GALNT7: variants seen among roughly 807,000 people sequenced by gnomAD.
The protein encoded by GALNT7 is N-acetylgalactosaminyltransferase 7.
A neutral mutation model predicts 82.1 loss-of-function variants in GALNT7; 60 were observed. The observed-to-expected ratio is 0.73, with a 90% CI of 0.59 to 0.91. The LOEUF (loss-of-function observed/expected upper bound fraction) is 0.91. GALNT7 is among the 40% of genes least tolerant of loss of function. The pLI is 0.00. For synonymous variants in GALNT7, 243 were observed against 275.1 expected (o/e 0.88, Z 1.15); for missense variants, 660 against 804.2 (o/e 0.82, Z 2.17).
intron 6 of GALNT7, among the ~76,000 whole-genome samples, chr4:173,299,550 A>G (rs1251216696): frequency 6.6e-6 from 1 of 152,190 alleles, no homozygotes; most frequent in Non-Finnish European, 1.5e-5. Flanking sequence ...ATATTTGAAG[A>G]AAAATAAACC....
intron 11 of GALNT7, 23 bp from the exon 12 acceptor site, chr4:173,321,556 CT>C: frequency 1.3e-6 from 2 of 1,597,392 alleles, no homozygotes; most frequent in South Asian, 1.1e-5. Context: ...AAATTTGAAA[CT>C]TTTTTCTTAC....
chr4:173,207,589 G>C (rs1353938957), intron 1 of GALNT7, among the ~76,000 whole-genome samples: 1 of 152,162 alleles, frequency 6.6e-6, no homozygotes, highest in Non-Finnish European at 1.5e-5. Context: ...AAACAGTTCT[G>C]TGGTAAGAGT....
chr4:173,314,591 A>C (rs2126869786), intron 9 of GALNT7, among the ~76,000 whole-genome samples: 1 of 152,320 alleles, frequency 6.6e-6, no homozygotes, highest in Non-Finnish European at 1.5e-5. Flanking sequence ...CAACACCCAA[A>C]ATCACCTATC....
intron 1 of GALNT7, among the ~76,000 whole-genome samples, chr4:173,178,049 GTGTGCGCGCA>G (rs1339699668): frequency 0.014 from 1,458 of 105,438 alleles, 20 homozygotes; most frequent in Admixed American, 0.045. Flanking sequence ...GTGTGTGTGT[GTGTGCGCGCA>G]CGCGCGTGCG....
chr4:173,227,483 G>T (rs187389002), intron 1 of GALNT7, among the ~76,000 whole-genome samples: 2 of 152,122 alleles, frequency 1.3e-5, no homozygotes, highest in Non-Finnish European at 2.9e-5. Context: ...AGGCACCCAC[G>T]ACCACACCTG....
rs1323228936 is a variant in GALNT7 at position 173,302,702 on chromosome 4, T to C, written c.1266+538T>C. Among the ~76,000 whole-genome samples, 1 of 152,112 alleles carries C rather than the reference T, an allele frequency of 6.6e-6. No individual in the cohort carries two copies. The highest frequency in any genetic ancestry group is 1.5e-5 in the Non-Finnish European group (1 of 68,038). The stretch of plus-strand genomic sequence containing the variant: ...TCAACCCCTATTCCTACCCCCATTT[T>C]CCAAAAGAAAGAGAGAGAGAACTAT... On this transcript the variant is annotated intron_variant, in intron 7 of 11. Coordinates refer to ENST00000265000, the MANE Select transcript of GALNT7 (RefSeq NM_017423.3). The surrounding 1 kb of genome is among the most constrained non-coding windows in gnomAD (Gnocchi z 4.2).
intron 2 of GALNT7, among the ~76,000 whole-genome samples, chr4:173,264,988 GCAAA>G (rs1215739672): frequency 6.6e-6 from 1 of 152,236 alleles, no homozygotes; most frequent in Non-Finnish European, 1.5e-5. Flanking sequence ...TGGTGCAGAA[GCAAA>G]TGCTGCTTTG....
intron 1 of GALNT7, among the ~76,000 whole-genome samples, chr4:173,174,997 G>T (rs1438712072): frequency 1.3e-5 from 2 of 152,156 alleles, no homozygotes; most frequent in East Asian, 1.9e-4. Context: ...AATAATTCAC[G>T]AATGAAAAGC....
chr4:173,247,928 T>A (rs761721216), intron 1 of GALNT7, 52 bp from the exon 2 acceptor site: 15 of 1,188,454 alleles, frequency 1.3e-5, no homozygotes, highest in African/African-American at 1.5e-5. Flanking sequence ...TGAGCTCTAC[T>A]GTGGTGGTTT....
intron 1 of GALNT7, among the ~76,000 whole-genome samples, chr4:173,220,456 C>T (rs1733607234): frequency 6.6e-6 from 1 of 151,990 alleles, no homozygotes; most frequent in African/African-American, 2.4e-5. Context: ...TTTGCTTAGT[C>T]TTGCATTGGC....
intron 2 of GALNT7, among the ~76,000 whole-genome samples, chr4:173,280,321 CTAAATA>C (rs1247641280): frequency 2.0e-5 from 3 of 152,120 alleles, no homozygotes; most frequent in African/African-American, 7.2e-5. Context: ...TTGATGAAGT[CTAAATA>C]TAACAAGGTT....
chr4:173,301,834 C>T (rs73872549), intron 6 of GALNT7, among the ~76,000 whole-genome samples: 5,120 of 152,268 alleles, frequency 0.034, 274 homozygotes, highest in African/African-American at 0.12. Context: ...TAATGAGCTA[C>T]AGTTTCAGTT....
At chr4:173,303,044 A>G (rs554104698) in intron 7 of GALNT7, among the ~76,000 whole-genome samples, 1 of 152,126 alleles carries the variant, frequency 6.6e-6, no homozygotes, top group South Asian at 2.1e-4. Flanking sequence ...AAATACAAAA[A>G]ATTAGCCGGG....
At chr4:173,217,779 C>T (rs1344816007) in intron 1 of GALNT7, among the ~76,000 whole-genome samples, 1 of 152,180 alleles carries the variant, frequency 6.6e-6, no homozygotes, top group Non-Finnish European at 1.5e-5. Flanking sequence ...AACTTCTGTG[C>T]AGACTTGGTG....
chr4:173,289,548 G>T (rs574399867), intron 2 of GALNT7, among the ~76,000 whole-genome samples: 1 of 152,214 alleles, frequency 6.6e-6, no homozygotes, highest in South Asian at 2.1e-4. Flanking sequence ...TATCAGTAAA[G>T]CTGTCTGTGC....
intron 1 of GALNT7, among the ~76,000 whole-genome samples, chr4:173,182,179 T>G (rs1017985337): frequency 1.3e-5 from 2 of 152,240 alleles, no homozygotes; most frequent in African/African-American, 2.4e-5. Context: ...CAGGTACTTA[T>G]GTTTAAAAAT....
chr4:173,321,210 T>C (rs1259291088), intron 11 of GALNT7, among the ~76,000 whole-genome samples: 1 of 152,054 alleles, frequency 6.6e-6, no homozygotes, highest in African/African-American at 2.4e-5. Flanking sequence ...CCTTAGTGAC[T>C]GGTATGTGAG....
intron 1 of GALNT7, among the ~76,000 whole-genome samples, chr4:173,186,779 A>G (rs1732473804): frequency 1.3e-5 from 2 of 150,084 alleles, no homozygotes; most frequent in South Asian, 4.2e-4. Context: ...TTGTTTACTT[A>G]CTTTTTTTTT....
At chr4:173,299,174 A>G (rs779924841) in intron 6 of GALNT7, among the ~76,000 whole-genome samples, 2 of 152,182 alleles carry the variant, frequency 1.3e-5, no homozygotes, top group African/African-American at 2.4e-5. Flanking sequence ...GGTGCTTCCA[A>G]TGTTATGGAA....
Sources: allele counts gnomAD v4.1 joint callset (sites outside exome capture counted in the v4.1 genomes callset), GRCh38; gene constraint gnomAD v4.1.1; non-coding constraint Gnocchi (gnomAD v3.1); transcripts MANE v1.5; gene names NCBI Gene and HGNC (gene_info 2026-07-23, HGNC 2026-07-21).